The following RABGAP1L variants were observed in gnomAD, a reference collection of about 807,000 sequenced individuals.
RABGAP1L encodes the protein RAB GTPase activating protein 1 like, also known as rab GTPase-activating protein 1-like.
A neutral mutation model predicts 137.7 loss-of-function variants in RABGAP1L; 63 were observed. The ratio of observed to expected loss-of-function variants is 0.46; its 90% confidence interval spans 0.37 to 0.56. The LOEUF (loss-of-function observed/expected upper bound fraction) is 0.56. Ranked by LOEUF, RABGAP1L falls within the 20% of genes least tolerant of loss-of-function variation. The pLI is 0.00. For synonymous variants in RABGAP1L, 431 were observed against 433.7 expected, an observed-to-expected ratio of 0.99 and a Z score of 0.08; for missense variants, 1,095 against 1,244.0, an observed-to-expected ratio of 0.88 and a Z score of 1.80.
At chr1:174,701,145 G>A (rs1679614828) in intron 16 of RABGAP1L, 1 of 1,304,204 alleles carries the variant, frequency 7.7e-7, no homozygotes, top group Admixed American at 2.3e-5. Context: ...TTTCAGTTAT[G>A]GTAATAGCTA....
intron 18 of RABGAP1L, among the ~76,000 whole-genome samples, chr1:174,778,261 T>G (rs1686691261): frequency 6.6e-6 from 1 of 152,148 alleles, no homozygotes; most frequent in Admixed American, 6.5e-5. Context: ...TGGGACCACA[T>G]GTTAAAAATA....
At chr1:174,190,301 C>CAAA (rs57629149) in intron 1 of RABGAP1L, among the ~76,000 whole-genome samples, 7 of 90,234 alleles carry the variant, frequency 7.8e-5, no homozygotes, top group African/African-American at 2.1e-4. Context: ...GACTCCGTTG[C>CAAA]AAAAAAAAAA....
intron 21 of RABGAP1L, among the ~76,000 whole-genome samples, chr1:174,972,390 A>AGGT (rs1248654292): frequency 1.3e-5 from 2 of 152,286 alleles, no homozygotes; most frequent in Non-Finnish European, 2.9e-5. Context: ...GTCTTTTCTG[A>AGGT]GGTTATTGGT....
At chr1:174,318,267 TA>T (rs1044985421) in intron 11 of RABGAP1L, among the ~76,000 whole-genome samples, 10 of 152,288 alleles carry the variant, frequency 6.6e-5, no homozygotes, top group Admixed American at 6.5e-4. Context: ...CTTTTGAACT[TA>T]AAGTCTGTGT....
chr1:174,702,522 C>T (rs1679735806), intron 17 of RABGAP1L, among the ~76,000 whole-genome samples: 1 of 152,000 alleles, frequency 6.6e-6, no homozygotes, highest in Non-Finnish European at 1.5e-5. Flanking sequence ...AAGCCTATAT[C>T]TGTATAATAA....
intron 1 of RABGAP1L, among the ~76,000 whole-genome samples, chr1:174,183,433 C>A (rs752998217): frequency 2.0e-4 from 31 of 152,020 alleles, no homozygotes; most frequent in Non-Finnish European, 3.7e-4. Flanking sequence ...CCGCTGTAAC[C>A]GGCCTAAAGA....
chr1:174,210,733 A>G (rs571480869), intron 1 of RABGAP1L, among the ~76,000 whole-genome samples: 2 of 152,314 alleles, frequency 1.3e-5, no homozygotes, highest in East Asian at 3.9e-4. Context: ...TCAATATCCA[A>G]GTACAAGAAG....
At chr1:174,298,645 A>C (rs190252603) in intron 10 of RABGAP1L, among the ~76,000 whole-genome samples, 4 of 152,302 alleles carry the variant, frequency 2.6e-5, no homozygotes, top group African/African-American at 9.6e-5. Context: ...TGCTAAGGTG[A>C]AACTGTGGAA....
At chr1:174,948,906 C>T (rs1005457814) in intron 19 of RABGAP1L, 21 of 152,080 alleles carry the variant, frequency 1.4e-4, no homozygotes, top group African/African-American at 5.1e-4. Context: ...TGAGCCGATA[C>T]CACCAATATA....
chr1:174,843,086 A>G (rs931477833), intron 19 of RABGAP1L, among the ~76,000 whole-genome samples: 5 of 152,074 alleles, frequency 3.3e-5, no homozygotes, highest in Admixed American at 2.0e-4. Flanking sequence ...TAAATCCTCG[A>G]TACTTCTTAC....
At chr1:174,925,279 C>T (rs1468565218) in intron 19 of RABGAP1L, among the ~76,000 whole-genome samples, 2 of 130,818 alleles carry the variant, frequency 1.5e-5, no homozygotes, top group Non-Finnish European at 3.1e-5. Flanking sequence ...ACCCAGGAGG[C>T]GGAGCTTGCA....
At chr1:174,436,472 C>G (rs1292775314) in intron 13 of RABGAP1L, among the ~76,000 whole-genome samples, 1 of 152,142 alleles carries the variant, frequency 6.6e-6, no homozygotes, top group African/African-American at 2.4e-5. Flanking sequence ...AGTGTCTGTT[C>G]ATATCCTTCA....
intron 13 of RABGAP1L, among the ~76,000 whole-genome samples, chr1:174,453,740 A>G (rs1655710422): frequency 6.6e-6 from 1 of 152,228 alleles, no homozygotes; most frequent in Non-Finnish European, 1.5e-5. Context: ...TTGCTAGAGT[A>G]GAGAAAACAG....
intron 13 of RABGAP1L, among the ~76,000 whole-genome samples, chr1:174,427,792 A>C (rs1216314814): frequency 6.6e-6 from 1 of 152,188 alleles, no homozygotes; most frequent in African/African-American, 2.4e-5. Context: ...AAGGGACACT[A>C]ATCAGTCCAC....
At chr1:174,857,314 C>T (rs1369925690) in intron 19 of RABGAP1L, among the ~76,000 whole-genome samples, 1 of 152,174 alleles carries the variant, frequency 6.6e-6, no homozygotes, top group Non-Finnish European at 1.5e-5. Context: ...CCATTAGAGA[C>T]ATTTTTCTCT....
intron 9 of RABGAP1L, among the ~76,000 whole-genome samples, chr1:174,277,463 A>G (rs1483702509): frequency 6.6e-6 from 1 of 151,664 alleles, no homozygotes; most frequent in Non-Finnish European, 1.5e-5. Context: ...TTTATTTTGC[A>G]ATAAAATATA....
intron 18 of RABGAP1L, among the ~76,000 whole-genome samples, chr1:174,797,738 T>A (rs982293990): frequency 6.0e-5 from 9 of 151,126 alleles, no homozygotes. Flanking sequence ...GGTGTGGGTG[T>A]GTGTGTGTGT....
chr1:174,550,983 C>CATATATATATATACACATATATATAT (rs1230891084), intron 13 of RABGAP1L, among the ~76,000 whole-genome samples: 159 of 83,416 alleles, frequency 1.9e-3, no homozygotes, highest in Non-Finnish European at 2.7e-3. Context: ...TGTATATATA[C>CATATATATATATACACATATATATAT]ATATATATAT....
intron 19 of RABGAP1L, among the ~76,000 whole-genome samples, chr1:174,946,932 ATATATATATGTG>A (rs1359772373): frequency 1.1e-4 from 8 of 71,796 alleles, no homozygotes; most frequent in Middle Eastern, 5.6e-3. Flanking sequence ...ATATATATAT[ATATATATATGTG>A]TGTGTGTGTG....
Sources: gnomAD v4.1 joint callset for allele counts (sites outside exome capture counted in the v4.1 genomes callset) on GRCh38, gnomAD v4.1.1 for gene constraint, MANE v1.5 for transcripts, NCBI Gene and HGNC (gene_info 2026-07-23, HGNC 2026-07-21) for gene names.